The following PCDH11X variants were observed in gnomAD, a reference collection of about 807,000 sequenced individuals.
PCDH11X encodes protocadherin-11 X-linked.
PCDH11X carries 18 observed loss-of-function variants against 53.3 expected under a neutral mutation model. The ratio of observed to expected loss-of-function variants is 0.34; its 90% CI spans 0.23 to 0.50. The LOEUF is 0.50. Among genes scored for constraint, PCDH11X ranks in the 20% least tolerant of loss-of-function variants. PCDH11X has a pLI of 0.98. For synonymous variants in PCDH11X, 279 were observed against 393.3 expected, an observed-to-expected ratio of 0.71 and a Z score of 3.44; for missense variants, 570 against 1,032.4, an observed-to-expected ratio of 0.55 and a Z score of 6.14.
chrX:92,011,691 G>A (rs757303558), intron 6 of PCDH11X, among the ~76,000 whole-genome samples: 51 of 110,961 alleles, frequency 4.6e-4, no homozygotes, highest in Non-Finnish European at 8.1e-4. Flanking sequence ...TTCCCACCCT[G>A]ATGCCTTGCT....
chrX:91,801,381 G>C (rs1201945957), intron 1 of PCDH11X, among the ~76,000 whole-genome samples: 3 of 109,274 alleles, frequency 2.7e-5, no homozygotes, highest in Non-Finnish European at 5.7e-5. Context: ...AGGTAACATC[G>C]GCTGCATATT....
At chrX:91,859,901 C>T (rs949968233) in intron 5 of PCDH11X, among the ~76,000 whole-genome samples, 1 of 111,026 alleles carries the variant, frequency 9.0e-6, no homozygotes, top group African/African-American at 3.3e-5. Flanking sequence ...TAGTGTGATG[C>T]CTCCAGCTTT....
intron 8 of PCDH11X, among the ~76,000 whole-genome samples, chrX:92,384,068 A>G (rs1319124183): frequency 8.9e-6 from 1 of 112,173 alleles, no homozygotes; most frequent in African/African-American, 3.2e-5. Context: ...GCATTTCTCT[A>G]ACGACCATTG....
Position 92,418,308 on chromosome X carries a change from G to A in PCDH11X, c.3343+30375G>A, listed in dbSNP as rs954893206. Reference sequence around the variant, plus strand: ...CAGCAGGTAATCATAAAATATAAACGGCCAGGTAATCACAAAAGTATGCAT... The same window carrying A: ...CAGCAGGTAATCATAAAATATAAACAGCCAGGTAATCACAAAAGTATGCAT... On this transcript the variant is annotated intron_variant, in intron 9 of 10. Transcript: ENST00000682573. Among the ~76,000 whole-genome samples the A allele has an allele frequency of 4.5e-5, 5 of 110,190 alleles. No individual in the cohort carries two copies. In the East Asian group the frequency reaches 8.5e-4, roughly 19 times the overall value.
intron 6 of PCDH11X, among the ~76,000 whole-genome samples, chrX:92,020,313 C>G (rs370520867): frequency 5.3e-5 from 6 of 112,272 alleles, no homozygotes; most frequent in African/African-American, 1.9e-4. Flanking sequence ...AAGGGAAGGA[C>G]AGCAGCCATC....
intron 9 of PCDH11X, among the ~76,000 whole-genome samples, chrX:92,412,321 T>A (rs1240519376): frequency 5.6e-5 from 6 of 107,682 alleles, no homozygotes; most frequent in African/African-American, 2.0e-4. Context: ...TTTCAGAAGG[T>A]GAGACTTTGC....
rs1928336379 is a variant in PCDH11X at position 92,619,572 on chromosome X, T to A, written c.*632T>A. On this transcript the variant is annotated 3_prime_UTR_variant, in exon 11 of 11. Transcript: ENST00000682573. ...ATTGTTGATAAAATTTGTATATACA[T>A]TTTCAATAAAGAATATGTATAAACT... is the stretch of plus-strand genomic sequence containing the variant. 1 of 107,944 alleles carries A rather than the reference T, an allele frequency of 9.3e-6. No homozygotes were observed. The highest frequency in any genetic ancestry group is 1.9e-5 in the Non-Finnish European group (1 of 53,378). The allele number at this position is 107,944 out of a possible 1,213,427, so 8.9% of individuals were successfully genotyped here.
chrX:92,051,903 G>T lies in PCDH11X; in HGVS notation c.3034-149472G>T, dbSNP rs541329547. On this transcript the variant is annotated intron_variant, in intron 6 of 10. Transcript: ENST00000682573. ...TATATTTCAATAAAGCTGGTAAAAT[G>T]CTCATACAAATAGTTTTTGAAATGT... Among the ~76,000 whole-genome samples, 19 of 109,122 alleles carry T rather than the reference G, an allele frequency of 1.7e-4. No homozygotes were observed. In the South Asian group the frequency reaches 7.8e-3, roughly 45 times the overall value. The allele number at this position is 109,122 out of a possible 115,157, so 94.8% of individuals were successfully genotyped here.
chrX:92,206,595 C>A (rs978956108), intron 7 of PCDH11X, among the ~76,000 whole-genome samples: 3 of 110,767 alleles, frequency 2.7e-5, no homozygotes, highest in Non-Finnish European at 3.8e-5. Flanking sequence ...GCCACTGTCT[C>A]GGCTCACTGT....
chrX:92,040,532 C>T (rs1332855736), intron 6 of PCDH11X, among the ~76,000 whole-genome samples: 1 of 111,747 alleles, frequency 8.9e-6, no homozygotes, highest in Non-Finnish European at 1.9e-5. Context: ...TCTCTCCTTG[C>T]ATACAGCCAC....
intron 6 of PCDH11X, among the ~76,000 whole-genome samples, chrX:92,150,490 A>C (rs1369567513): frequency 1.0e-4 from 11 of 107,892 alleles, no homozygotes; most frequent in African/African-American, 3.4e-4. Context: ...GGATACATTT[A>C]TGTTCATTCT....
At chrX:92,296,532 G>T in intron 8 of PCDH11X, among the ~76,000 whole-genome samples, 1 of 111,036 alleles carries the variant, frequency 9.0e-6, no homozygotes, top group Non-Finnish European at 1.9e-5. Flanking sequence ...GCTTGCTTAG[G>T]ACAATGGCGT....
At chrX:91,799,398 G>A (rs1461413687) in intron 1 of PCDH11X, among the ~76,000 whole-genome samples, 1 of 111,745 alleles carries the variant, frequency 8.9e-6, no homozygotes, top group African/African-American at 3.2e-5. Context: ...TGATTACTAA[G>A]AGACTGTTTG....
chrX:92,315,319 C>G (rs896919081), intron 8 of PCDH11X, among the ~76,000 whole-genome samples: 3 of 111,898 alleles, frequency 2.7e-5, no homozygotes, highest in African/African-American at 9.7e-5. Flanking sequence ...TTAATCAACA[C>G]AGAGACAGTT....
At position 91,886,920 on chromosome X, in the gene PCDH11X, A is replaced by C. The variant is rs535029370; in HGVS notation, c.3033+7647A>C. 3.5e-4 allele frequency among the ~76,000 whole-genome samples: 36 copies of C among 103,403 alleles called. 1 individual carries two copies. Among genetic ancestry groups the C allele is most frequent in the Non-Finnish European group, 5.1e-4 (26 of 50,767 alleles). 89.8% of individuals were successfully genotyped at this position (103,403 alleles called of 115,157 possible). On this transcript the variant is annotated intron_variant, in intron 6 of 10. Transcript: ENST00000682573. ...CGGGAGGCGGAGCTTGCAGTGAGCC[A>C]AGATGGCGCCACTGCACTCCAGCCT...
chrX:91,981,252 C>G (rs1413739359), intron 6 of PCDH11X, among the ~76,000 whole-genome samples: 1 of 108,973 alleles, frequency 9.2e-6, no homozygotes, highest in African/African-American at 3.3e-5. Context: ...ACTCCCCATT[C>G]AATCTTTGAA....
intron 8 of PCDH11X, among the ~76,000 whole-genome samples, chrX:92,267,978 A>T: frequency 8.9e-6 from 1 of 112,056 alleles, no homozygotes; most frequent in African/African-American, 3.2e-5. Flanking sequence ...ATGGCCCCCA[A>T]AAGGCCCCAT....
intron 8 of PCDH11X, among the ~76,000 whole-genome samples, chrX:92,263,532 G>A (rs906841363): frequency 8.9e-6 from 1 of 111,808 alleles, no homozygotes; most frequent in African/African-American, 3.2e-5. Flanking sequence ...TATAAATCAT[G>A]ATATTTGATA....
intron 10 of PCDH11X, among the ~76,000 whole-genome samples, chrX:92,484,086 CTG>C (rs370267882): frequency 0.015 from 1,150 of 77,841 alleles, 22 homozygotes; most frequent in African/African-American, 0.039. Context: ...AAGAAAATCT[CTG>C]TGTGTGTGTG....
Sources: gnomAD v4.1 joint callset for allele counts (sites outside exome capture counted in the v4.1 genomes callset) on GRCh38, gnomAD v4.1.1 for gene constraint, MANE v1.5 for transcripts, NCBI Gene and HGNC (gene_info 2026-07-23, HGNC 2026-07-21) for gene names.